The following MAGEA11 variants were observed in gnomAD, a reference collection of about 807,000 sequenced individuals.
MAGEA11 encodes the protein MAGE family member A11.
In MAGEA11, 1 loss-of-function variant was observed where a neutral mutation model predicts 8.4. The observed-to-expected ratio is 0.12, with a 90% CI of 0.04 to 0.57. The LOEUF (loss-of-function observed/expected upper bound fraction) is 0.57, where lower values mean the gene tolerates loss of function less well. MAGEA11 is among the 20% of genes least tolerant of loss of function. The pLI is 0.91. For synonymous variants in MAGEA11, 127 were observed against 119.3 expected, an observed-to-expected ratio of 1.06 and a Z score of -0.42; for missense variants, 209 against 317.3, an observed-to-expected ratio of 0.66 and a Z score of 2.59.
intron 1 of MAGEA11, among the ~76,000 whole-genome samples, chrX:149,696,735 G>T (rs1345244400): frequency 1.8e-5 from 2 of 111,389 alleles, no homozygotes; most frequent in Admixed American, 9.5e-5. Context: ...CCCGCAGAAG[G>T]AGTCATAGGG....
intron 1 of MAGEA11, among the ~76,000 whole-genome samples, chrX:149,705,671 C>A (rs1181869754): frequency 1.8e-5 from 2 of 111,967 alleles, no homozygotes; most frequent in Admixed American, 1.9e-4. Flanking sequence ...GGCTGACAGG[C>A]CTCACATCAG....
intron 3 of MAGEA11, 27 bp downstream of exon 3, chrX:149,714,603 G>A (rs782756317): frequency 1.7e-6 from 2 of 1,202,623 alleles, no homozygotes; most frequent in Non-Finnish European, 2.2e-6. Flanking sequence ...AGGATTGAGG[G>A]TTCCTCCTGG....
At chrX:149,707,869 G>T (rs1371708355), upstream of MAGEA11, among the ~76,000 whole-genome samples, 1 of 112,319 alleles carries the variant, frequency 8.9e-6, no homozygotes, top group African/African-American at 3.2e-5. Flanking sequence ...TAAATACTAT[G>T]GAAACAAATT....
At chrX:149,688,865 G>A (rs1273099843) in exon 1 of MAGEA11, 2 of 659,664 alleles carry the variant, frequency 3.0e-6, no homozygotes, top group Non-Finnish European at 4.5e-6. Flanking sequence ...ACCCCCAGTG[G>A]AGGCTGACAA....
intron 1 of MAGEA11, among the ~76,000 whole-genome samples, chrX:149,700,665 T>C (rs992355290): frequency 5.5e-5 from 6 of 109,880 alleles, no homozygotes; most frequent in African/African-American, 6.6e-5. Context: ...GCTTCACCCA[T>C]TAACTAGTCA....
chrX:149,712,057 T>A, upstream of MAGEA11: 4 of 751,475 alleles, frequency 5.3e-6, no homozygotes, highest in Non-Finnish European at 6.3e-6. Flanking sequence ...GGATGTGACC[T>A]CCATTGGCTT....
At chrX:149,701,936 T>A (rs2090355790) in intron 1 of MAGEA11, among the ~76,000 whole-genome samples, 1 of 112,164 alleles carries the variant, frequency 8.9e-6, no homozygotes, top group Non-Finnish European at 1.9e-5. Flanking sequence ...ATCTCTGTTT[T>A]GGTACCAGTA....
intron 1 of MAGEA11, among the ~76,000 whole-genome samples, chrX:149,689,198 G>T (rs1171505799): frequency 9.0e-6 from 1 of 111,601 alleles, no homozygotes; most frequent in Non-Finnish European, 1.9e-5. Flanking sequence ...ATAATGTCTG[G>T]AATAGAGGAT....
At chrX:149,697,515 G>A (rs191610067) in intron 1 of MAGEA11, among the ~76,000 whole-genome samples, 18 of 110,653 alleles carry the variant, frequency 1.6e-4, no homozygotes, top group African/African-American at 4.9e-4. Flanking sequence ...GCTGATGGAC[G>A]TCCTGCAGTC....
Position 149,715,645 on chromosome X carries a change from G to C in MAGEA11, c.234G>C (p.Arg78Ser). ...EQANLEDRSPRRTQRITGGEQ... is the reference protein window; with the variant it reads ...EQANLEDRSPSRTQRITGGEQ... ...CCAACCTGGAGGACAGGAGTCCCAG[G>C]AGAACCCAGAGGATCACTGGAGGAG... The change falls in exon 4 of 5, where the codon AGG (arginine) becomes AGC (serine). Residue 78 changes from arginine to serine, a missense_variant. By Grantham distance (110) the Arg-to-Ser change is moderately radical. This residue lies in a region of MAGEA11 where 131 missense variants were observed against 138.5 expected (regional missense o/e 0.95). Transcript: ENST00000355220. 8.3e-7 allele frequency: 1 copy of C among 1,209,476 alleles called. No homozygotes were observed. The highest frequency in any genetic ancestry group is 1.1e-6 in the Non-Finnish European group (1 of 893,702).
upstream of MAGEA11, among the ~76,000 whole-genome samples, chrX:149,709,772 GA>G (rs1486895048): frequency 1.6e-4 from 18 of 111,775 alleles, no homozygotes; most frequent in African/African-American, 5.2e-4. Flanking sequence ...AAAATATTTT[GA>G]AAAAATTAGT....
At chrX:149,700,787 T>C (rs1422717568) in intron 1 of MAGEA11, among the ~76,000 whole-genome samples, 9 of 101,917 alleles carry the variant, frequency 8.8e-5, no homozygotes, top group African/African-American at 3.6e-5. Flanking sequence ...CATTGTTCAA[T>C]TCCCACCTAT....
upstream of MAGEA11, among the ~76,000 whole-genome samples, chrX:149,709,837 T>C (rs1294209943): frequency 1.8e-5 from 2 of 112,066 alleles, no homozygotes; most frequent in African/African-American, 6.5e-5. Flanking sequence ...AAATTTTGTT[T>C]CATCAAATTG....
upstream of MAGEA11, among the ~76,000 whole-genome samples, chrX:149,707,874 C>A (rs2124297673): frequency 8.9e-6 from 1 of 112,358 alleles, no homozygotes; most frequent in South Asian, 3.7e-4. Flanking sequence ...ACTATGGAAA[C>A]AAATTGAATC....
intron 1 of MAGEA11, among the ~76,000 whole-genome samples, chrX:149,692,858 T>C (rs2090316062): frequency 9.0e-6 from 1 of 111,581 alleles, no homozygotes; most frequent in Non-Finnish European, 1.9e-5. Context: ...GATCTGATGG[T>C]TCTATGAAGG....
chrX:149,696,925 A>G (rs929634681), intron 1 of MAGEA11, among the ~76,000 whole-genome samples: 1 of 112,032 alleles, frequency 8.9e-6, no homozygotes, highest in Non-Finnish European at 1.9e-5. Flanking sequence ...CACTCCCTGG[A>G]GACAGCATGG....
chrX:149,715,541 C>A, intron 3 of MAGEA11, 63 bp from the exon 4 acceptor site: 2 of 851,948 alleles, frequency 2.3e-6, no homozygotes, highest in Non-Finnish European at 3.5e-6. Context: ...CTACCTCAGT[C>A]CTGGAGCCTC....
chrX:149,703,390 C>G (rs1173472018), intron 1 of MAGEA11, among the ~76,000 whole-genome samples: 13 of 112,274 alleles, frequency 1.2e-4, no homozygotes, highest in Non-Finnish European at 2.3e-4. Flanking sequence ...GAATGTGGCT[C>G]TAGTACTCCT....
chrX:149,712,958 C>T (rs1297817402), intron 1 of MAGEA11, among the ~76,000 whole-genome samples, 185 bp from the exon 2 acceptor site: 4 of 112,195 alleles, frequency 3.6e-5, no homozygotes, highest in African/African-American at 6.5e-5. Flanking sequence ...TCCTGATTTC[C>T]GCATCCTGGG....
Sources: gnomAD v4.1 joint callset for allele counts (sites outside exome capture counted in the v4.1 genomes callset) on GRCh38, gnomAD v4.1.1 for gene constraint, gnomAD v4.1.1 regional missense constraint, MANE v1.5 for transcripts, NCBI Gene and HGNC (gene_info 2026-07-23, HGNC 2026-07-21) for gene names.